The following TCF4 variants were observed in gnomAD, a reference collection of about 807,000 sequenced individuals.
The protein encoded by TCF4 is transcription factor 4.
Under a neutral mutation model 82.1 loss-of-function variants are expected in TCF4, and 3 were observed. The observed-to-expected ratio is 0.04, with a 90% CI of 0.02 to 0.09. The LOEUF (loss-of-function observed/expected upper bound fraction) is 0.09, where lower values mean the gene tolerates loss of function less well. Among genes scored for constraint, TCF4 ranks in the 10% least tolerant of loss-of-function variants. TCF4 has a pLI of 1.00. For synonymous variants in TCF4, 276 were observed against 309.6 expected (o/e 0.89, Z 1.14); for missense variants, 518 against 852.7 (o/e 0.61, Z 4.89).
At chr18:55,588,604 T>C (rs2097675204), upstream of TCF4, 3 of 1,503,480 alleles carry the variant, frequency 2.0e-6, no homozygotes, top group Non-Finnish European at 2.7e-6. Context: ...TTACTCTCGT[T>C]CCCTCTCACT....
intron 3 of TCF4, among the ~76,000 whole-genome samples, chr18:55,508,647 C>A (rs191812158): frequency 1.3e-5 from 2 of 152,250 alleles, no homozygotes; most frequent in East Asian, 3.9e-4. Flanking sequence ...AGTAAGTGGT[C>A]GAGCTGAGAT....
At chr18:55,608,122 A>G (rs914162817) in intron 2 of TCF4, among the ~76,000 whole-genome samples, 13 of 152,238 alleles carry the variant, frequency 8.5e-5, no homozygotes, top group Admixed American at 2.0e-4. Flanking sequence ...TTCCTAGACC[A>G]CAAAAAGATA....
At position 55,224,518 on chromosome 18, in the gene TCF4, T is replaced by A. The variant is rs2046337618; in HGVS notation, c.*3517A>T. 1 of 152,580 alleles carries A rather than the reference T, an allele frequency of 6.6e-6. No homozygotes were observed. Among genetic ancestry groups the A allele is most frequent in the African/African-American group, 2.4e-5 (1 of 41,444 alleles). 9.5% of individuals were successfully genotyped at this position (152,580 alleles called of 1,614,324 possible). On this transcript the variant is annotated 3_prime_UTR_variant, in exon 20 of 20. Coordinates refer to ENST00000354452, the MANE Select transcript of TCF4 (RefSeq NM_001083962.2). ...TGATTCATTCCTGACTCAAGTTCACTTTTGGACACAGATCATATTCTGCCT... is the reference window on the plus strand; with the variant it reads ...TGATTCATTCCTGACTCAAGTTCACATTTGGACACAGATCATATTCTGCCT...
At chr18:55,295,383 C>T (rs2066227178) in intron 8 of TCF4, among the ~76,000 whole-genome samples, 1 of 152,120 alleles carries the variant, frequency 6.6e-6, no homozygotes, top group Non-Finnish European at 1.5e-5. Context: ...TCTTGCAATG[C>T]CTGTTCTCCA....
rs1408839136 is a variant in TCF4, at chr18:55,223,324, TG to T, written c.*4710del. On this transcript the variant is annotated 3_prime_UTR_variant, in exon 20 of 20. Coordinates refer to ENST00000354452, the MANE Select transcript of TCF4 (RefSeq NM_001083962.2). ...ATTTGTTTTTGTGATTTTTTTTGTA[TG>T]TTTTGTTTGTTAAGCTGTCAATACC... is the stretch of plus-strand genomic sequence containing the variant. 6.6e-6 allele frequency: 1 copy of T among 152,574 alleles called. No individual in the cohort carries two copies. The highest frequency in any genetic ancestry group is 1.5e-5 in the Non-Finnish European group (1 of 68,054). The allele number at this position is 152,574 out of a possible 1,614,324, so 9.5% of individuals were successfully genotyped here. A position where few individuals can be genotyped will look rare whatever the true frequency, so the allele number is the denominator to read the frequency against.
At chr18:55,421,172 A>T (rs980871940) in intron 5 of TCF4, among the ~76,000 whole-genome samples, 1 of 152,298 alleles carries the variant, frequency 6.6e-6, no homozygotes, top group Admixed American at 6.5e-5. Context: ...CATAATCTTT[A>T]GACATGGACA....
At chr18:55,317,237 C>T (rs894884390) in intron 8 of TCF4, among the ~76,000 whole-genome samples, 2 of 151,960 alleles carry the variant, frequency 1.3e-5, no homozygotes, top group South Asian at 2.1e-4. Context: ...TTCCTACATG[C>T]TTTCTCTTTG....
chr18:55,351,261 G>A (rs1603287998), intron 6 of TCF4: 1 of 419,768 alleles, frequency 2.4e-6, no homozygotes, highest in South Asian at 2.4e-5. Flanking sequence ...CTTTTAAGAT[G>A]ACTCACGTTT....
intron 3 of TCF4, among the ~76,000 whole-genome samples, chr18:55,480,733 C>G (rs2096408655): frequency 6.6e-6 from 1 of 152,194 alleles, no homozygotes; most frequent in African/African-American, 2.4e-5. Context: ...TCACTAAAAT[C>G]AAACAAACCC....
At chr18:55,407,175 T>C (rs1223752429) in intron 5 of TCF4, among the ~76,000 whole-genome samples, 1 of 152,060 alleles carries the variant, frequency 6.6e-6, no homozygotes, top group African/African-American at 2.4e-5. Context: ...AATGTTAAAT[T>C]TTGCTGCTGG....
intron 3 of TCF4, among the ~76,000 whole-genome samples, chr18:55,559,731 G>A (rs755791620): frequency 6.6e-6 from 1 of 151,762 alleles, no homozygotes; most frequent in East Asian, 1.9e-4. Flanking sequence ...GGTGCTAAAG[G>A]GTGGTTTTGT....
At chr18:55,362,001 T>C (rs1003767396) in intron 6 of TCF4, among the ~76,000 whole-genome samples, 1 of 152,158 alleles carries the variant, frequency 6.6e-6, no homozygotes, top group Non-Finnish European at 1.5e-5. Flanking sequence ...TCTTACATCT[T>C]CTGGACTCAC....
chr18:55,559,629 GT>G (rs891266627), intron 3 of TCF4, among the ~76,000 whole-genome samples: 1 of 54,572 alleles, frequency 1.8e-5, no homozygotes, highest in Non-Finnish European at 3.4e-5. Context: ...TTATCATAGG[GT>G]TTTTTCTTTA....
intron 3 of TCF4, among the ~76,000 whole-genome samples, chr18:55,494,157 G>GACACACACACACACAC (rs3138626): frequency 0.02 from 3,026 of 147,630 alleles, 38 homozygotes; most frequent in African/African-American, 0.038. Flanking sequence ...AAATATTATG[G>GACACACACACACACAC]ACACACACAC....
chr18:55,233,993 G>GA (rs1184968863), intron 16 of TCF4, among the ~76,000 whole-genome samples: 1 of 151,970 alleles, frequency 6.6e-6, no homozygotes, highest in Non-Finnish European at 1.5e-5. Flanking sequence ...GGACTGAGAA[G>GA]ATGTTATCTA....
rs886053949 is a variant in TCF4, at chr18:55,224,279, T to C, written c.*3756A>G. ...ATGTCTATAATACTTGAAATGAGTA[T>C]GGCAAAACCAGCACTGCACAAAGAT... On this transcript the variant is annotated 3_prime_UTR_variant, in exon 20 of 20. Coordinates refer to ENST00000354452, the MANE Select transcript of TCF4 (RefSeq NM_001083962.2). The C allele has an allele frequency of 6.6e-6, 1 of 152,410 alleles. No homozygotes were observed. The highest frequency in any genetic ancestry group is 1.5e-5 in the Non-Finnish European group (1 of 67,988). The allele number at this position is 152,410 out of a possible 1,614,324, so 9.4% of individuals were successfully genotyped here.
chr18:55,234,514 T>C, intron 16 of TCF4, 34 bp downstream of exon 16: 1 of 1,614,106 alleles, frequency 6.2e-7, no homozygotes, highest in Non-Finnish European at 8.5e-7. Context: ...ATTGTGAAAG[T>C]GAGGTCAGAA....
At chr18:55,523,924 TG>T (rs1384854640) in intron 3 of TCF4, among the ~76,000 whole-genome samples, 1 of 152,162 alleles carries the variant, frequency 6.6e-6, no homozygotes, top group Non-Finnish European at 1.5e-5. Context: ...ATATTCCAAT[TG>T]TTCTAGTACC....
intron 2 of TCF4, among the ~76,000 whole-genome samples, chr18:55,614,381 G>A (rs1323090228): frequency 6.6e-6 from 1 of 152,198 alleles, no homozygotes; most frequent in East Asian, 1.9e-4. Flanking sequence ...CCCACTGGCA[G>A]TATAAGTAGT....
Sources: allele counts gnomAD v4.1 joint callset (sites outside exome capture counted in the v4.1 genomes callset), GRCh38; gene constraint gnomAD v4.1.1; transcripts MANE v1.5; gene names NCBI Gene and HGNC (gene_info 2026-07-23, HGNC 2026-07-21).